The following KCNG2 variants were observed in gnomAD, a reference collection of about 807,000 sequenced individuals.
The protein encoded by KCNG2 is voltage-gated potassium channel regulatory subunit KCNG2.
A neutral mutation model predicts 12.3 loss-of-function variants in KCNG2; 7 were observed. The ratio of observed to expected loss-of-function variants is 0.57; its 90% CI spans 0.32 to 1.07. KCNG2 has a LOEUF of 1.07. KCNG2 is among the 50% of genes least tolerant of loss of function. KCNG2 has a pLI of 0.04. For missense variants in KCNG2, 703 were observed against 726.0 expected (o/e 0.97, Z 0.36); for synonymous variants, 414 against 351.4 (o/e 1.18, Z -1.99).
intron 1 of KCNG2, among the ~76,000 whole-genome samples, chr18:79,854,760 G>A (rs544381910): frequency 1.1e-4 from 16 of 152,270 alleles, no homozygotes; most frequent in South Asian, 6.2e-4. Context: ...TGATCCGCCC[G>A]CCTTGGCCTC....
At chr18:79,894,787 TG>T (rs1305519178) in intron 3 of KCNG2, among the ~76,000 whole-genome samples, 1 of 152,070 alleles carries the variant, frequency 6.6e-6, no homozygotes, top group Non-Finnish European at 1.5e-5. Context: ...TTGATTGGGT[TG>T]TTCACTCCAT....
intron 1 of KCNG2, among the ~76,000 whole-genome samples, chr18:79,843,283 T>G (rs7227962): frequency 0.23 from 34,451 of 152,050 alleles, 4,261 homozygotes; most frequent in African/African-American, 0.33. Flanking sequence ...GAGTGATAAT[T>G]ATTTTCCCGG....
chr18:79,817,796 C>T (rs531732840), intron 1 of KCNG2, among the ~76,000 whole-genome samples: 1 of 152,328 alleles, frequency 6.6e-6, no homozygotes, highest in African/African-American at 2.4e-5. Flanking sequence ...TGGTGGGCCC[C>T]ACGTCGCCTT....
intron 3 of KCNG2, among the ~76,000 whole-genome samples, chr18:79,865,171 C>A (rs1299010981): frequency 7.4e-5 from 8 of 108,666 alleles, no homozygotes; most frequent in Non-Finnish European, 1.3e-4. Flanking sequence ...AGAGGTCTGG[C>A]TGCTGAGAGG....
chr18:79,823,725 C>T (rs1477882963), intron 1 of KCNG2, among the ~76,000 whole-genome samples: 1 of 152,058 alleles, frequency 6.6e-6, no homozygotes, highest in East Asian at 1.9e-4. Flanking sequence ...TCCACGTGTG[C>T]CCAGCTCTTT....
intron 3 of KCNG2, among the ~76,000 whole-genome samples, chr18:79,865,805 TGCTG>T (rs1218262115): frequency 8.0e-6 from 1 of 124,464 alleles, no homozygotes; most frequent in African/African-American, 2.9e-5. Context: ...GAGGTCTGTG[TGCTG>T]AGAGGTCTGG....
At chr18:79,839,448 C>T (rs1405925959) in intron 1 of KCNG2, among the ~76,000 whole-genome samples, 4 of 152,244 alleles carry the variant, frequency 2.6e-5, no homozygotes, top group African/African-American at 9.6e-5. Flanking sequence ...AACAACTCTA[C>T]ATGCACATTT....
intron 3 of KCNG2, among the ~76,000 whole-genome samples, chr18:79,887,778 C>CG (rs1387043040): frequency 6.6e-6 from 1 of 152,122 alleles, no homozygotes; most frequent in African/African-American, 2.4e-5. Flanking sequence ...GATCGGGGCT[C>CG]GGGGGGTGGC....
In KCNG2 at chr18:79,864,247, C is replaced by T. The variant is rs2123069263; in HGVS notation, c.580C>T (p.Leu194Phe). Residue 194 changes from leucine (L) to phenylalanine (F), a missense_variant, in exon 3 of 4, where the codon CTC becomes TTC. Transcript: ENST00000316249. ...CTTCGTGGCCGTCACGGCCGTGGGC[C>T]TCTGCCTGAGCACCATGCCGGACAT... ...VSFVAVTAVG[L>F]CLSTMPDIRA... 2 of 1,551,976 alleles carry T rather than the reference C, an allele frequency of 1.3e-6. No homozygotes were observed. Among genetic ancestry groups the T allele is most frequent in the African/African-American group, 1.4e-5 (1 of 70,108 alleles).
At chr18:79,852,510 G>T (rs1196288845) in intron 1 of KCNG2, among the ~76,000 whole-genome samples, 3 of 152,266 alleles carry the variant, frequency 2.0e-5, no homozygotes, top group African/African-American at 7.2e-5. Flanking sequence ...CTCAGCCCCT[G>T]CACTCGCAGA....
chr18:79,820,568 G>A (rs1403583884), intron 1 of KCNG2, among the ~76,000 whole-genome samples: 3 of 152,216 alleles, frequency 2.0e-5, no homozygotes, highest in East Asian at 1.9e-4. Flanking sequence ...TCTGCTTGCC[G>A]GGCATGTGTG....
intron 3 of KCNG2, among the ~76,000 whole-genome samples, chr18:79,870,883 G>A (rs1979802231): frequency 6.6e-6 from 1 of 152,182 alleles, no homozygotes; most frequent in South Asian, 2.1e-4. Flanking sequence ...TGGATGCCGA[G>A]TTGTGTTGAT....
intron 1 of KCNG2, among the ~76,000 whole-genome samples, chr18:79,804,708 CG>C (rs1189583939): frequency 6.6e-6 from 1 of 152,164 alleles, no homozygotes; most frequent in Non-Finnish European, 1.5e-5. Flanking sequence ...AGTGAGCCCA[CG>C]GGAACAAGTG....
Position 79,891,412 on chromosome 18 carries a change from G to A in KCNG2, c.625-7628G>A, listed in dbSNP as rs551916817. Reference sequence around the variant, plus strand: ...CACCCAGCTAATTTTTGTATGTCTCGTAGAGATGGGGTTTCACCATGTTGC... The same window carrying A: ...CACCCAGCTAATTTTTGTATGTCTCATAGAGATGGGGTTTCACCATGTTGC... On this transcript the variant is annotated intron_variant, in intron 3 of 3. Transcript: ENST00000316249. Among the ~76,000 whole-genome samples, 7 of 152,044 alleles carry A rather than the reference G, an allele frequency of 4.6e-5. No individual in the cohort carries two copies. In the South Asian group the frequency reaches 8.3e-4, roughly 18 times the overall value.
At chr18:79,867,263 G>T (rs1979630539) in intron 3 of KCNG2, among the ~76,000 whole-genome samples, 1 of 151,634 alleles carries the variant, frequency 6.6e-6, no homozygotes, top group African/African-American at 2.4e-5. Flanking sequence ...TAGACTTCCT[G>T]CCCCATCCGT....
At chr18:79,854,181 C>A (rs1193047683) in intron 1 of KCNG2, among the ~76,000 whole-genome samples, 2 of 152,224 alleles carry the variant, frequency 1.3e-5, no homozygotes, top group Non-Finnish European at 2.9e-5. Context: ...GGAGCAGAGC[C>A]CGGCCTTCTG....
intron 1 of KCNG2, among the ~76,000 whole-genome samples, chr18:79,833,418 G>A (rs1387981838): frequency 2.0e-5 from 3 of 152,182 alleles, no homozygotes; most frequent in Non-Finnish European, 4.4e-5. Context: ...TGGGATTATG[G>A]GCATGAGCCA....
At chr18:79,865,835 TATGCTGAGAGGACTGTGTGCTGAGAGG>T (rs1979493030) in intron 3 of KCNG2, among the ~76,000 whole-genome samples, 1 of 74,026 alleles carries the variant, frequency 1.4e-5, no homozygotes, top group Admixed American at 1.4e-4. Flanking sequence ...GAGAGGTCTG[TATGCTGAGAGGACTGTGTGCTGAGAGG>T]TCTGTGGGCT....
chr18:79,802,942 G>T (rs1156634740), intron 1 of KCNG2, among the ~76,000 whole-genome samples: 1 of 152,206 alleles, frequency 6.6e-6, no homozygotes, highest in African/African-American at 2.4e-5. Context: ...ATTTTGGGAG[G>T]CTGAGGCGGG....
Sources: gnomAD v4.1 joint callset for allele counts (sites outside exome capture counted in the v4.1 genomes callset) on GRCh38, gnomAD v4.1.1 for gene constraint, MANE v1.5 for transcripts, NCBI Gene and HGNC (gene_info 2026-07-23, HGNC 2026-07-21) for gene names.